Variants in DNAJC1 observed in about 807,000 individuals in gnomAD.
The protein encoded by DNAJC1 is dnaJ homolog subfamily C member 1.
A neutral mutation model predicts 76.6 loss-of-function variants in DNAJC1; 58 were observed. The observed-to-expected ratio is 0.76, with a 90% CI of 0.61 to 0.94. The LOEUF is 0.94. Among genes scored for constraint, DNAJC1 ranks in the 40% least tolerant of loss-of-function variants. The pLI is 0.00. For synonymous variants in DNAJC1, 258 were observed against 267.9 expected, an observed-to-expected ratio of 0.96 and a Z score of 0.36; for missense variants, 689 against 677.3, an observed-to-expected ratio of 1.02 and a Z score of -0.19.
intron 8 of DNAJC1, among the ~76,000 whole-genome samples, chr10:21,822,929 G>T (rs988491619): frequency 2.6e-5 from 4 of 151,156 alleles, no homozygotes; most frequent in Non-Finnish European, 5.9e-5. Context: ...TAAACCAGGT[G>T]CACAGAAAAT....
At position 21,818,280 on chromosome 10, in the gene DNAJC1, C is replaced by T. The variant is rs183970223; in HGVS notation, c.979-12181G>A. Among the ~76,000 whole-genome samples the T allele has an allele frequency of 1.4e-3, 220 of 152,268 alleles. 1 individual carries two copies. Among genetic ancestry groups the T allele is most frequent in the African/African-American group, 5.0e-3 (206 of 41,546 alleles). ...TGAAATAAGCCCCAGTCTCCCATAG[C>T]GCTCCCAGGCTTATCAGGACAAGGA... On this transcript the variant is annotated intron_variant, in intron 8 of 11. Coordinates refer to ENST00000376980, the MANE Select transcript of DNAJC1 (RefSeq NM_022365.4).
chr10:21,771,547 G>T (rs1834377943), intron 9 of DNAJC1, among the ~76,000 whole-genome samples: 1 of 152,098 alleles, frequency 6.6e-6, no homozygotes, highest in Non-Finnish European at 1.5e-5. Context: ...TGCCCAGGCT[G>T]CAGTGCAATG....
intron 11 of DNAJC1, among the ~76,000 whole-genome samples, chr10:21,758,877 A>G (rs886206949): frequency 2.0e-5 from 3 of 152,194 alleles, no homozygotes; most frequent in African/African-American, 7.2e-5. Flanking sequence ...ACCTAGCCGG[A>G]GTGGGCGAGT....
intron 1 of DNAJC1, among the ~76,000 whole-genome samples, chr10:21,991,836 C>T (rs1479103931): frequency 6.6e-6 from 1 of 152,130 alleles, no homozygotes; most frequent in Non-Finnish European, 1.5e-5. Flanking sequence ...GAAAGTTTTG[C>T]TTATAACGAT....
In DNAJC1 at chr10:21,817,261, A is replaced by G. The variant is rs189677792; in HGVS notation, c.979-11162T>C. ...TCTTACCTGTAAGAAAAACATGGTG[A>G]TATGCTAAAATTTGTTTAAGATGCT... On this transcript the variant is annotated intron_variant, in intron 8 of 11. Coordinates refer to ENST00000376980, the MANE Select transcript of DNAJC1 (RefSeq NM_022365.4). 2.2e-3 allele frequency among the ~76,000 whole-genome samples: 340 copies of G among 151,222 alleles called. 3 individuals carry two copies. The highest frequency in any genetic ancestry group is 7.8e-3 in the African/African-American group (324 of 41,274).
chr10:21,959,800 C>CAAAAAAAAAAAAAAAAA (rs199556961), intron 1 of DNAJC1, among the ~76,000 whole-genome samples: 1 of 138,894 alleles, frequency 7.2e-6, no homozygotes, highest in South Asian at 2.3e-4. Context: ...AAAACAAAAA[C>CAAAAAAAAAAAAAAAAA]AAAAAAAAAA....
intron 8 of DNAJC1, among the ~76,000 whole-genome samples, chr10:21,831,513 G>A (rs1029576394): frequency 3.3e-5 from 5 of 152,214 alleles, no homozygotes; most frequent in South Asian, 4.1e-4. Context: ...TAATCTGGCC[G>A]GGTGCAGTGG....
intron 7 of DNAJC1, among the ~76,000 whole-genome samples, chr10:21,897,631 C>T (rs2131737568): frequency 6.6e-6 from 1 of 152,304 alleles, no homozygotes; most frequent in African/African-American, 2.4e-5. Context: ...AATCTAACTA[C>T]AGTTTCATTA....
intron 8 of DNAJC1, among the ~76,000 whole-genome samples, chr10:21,837,740 A>G (rs534981141): frequency 1.2e-3 from 174 of 143,806 alleles, no homozygotes; most frequent in African/African-American, 4.3e-3. Flanking sequence ...GGAAGTGAGG[A>G]GCCCCTCTGC....
chr10:21,992,797 A>G (rs1838347519), intron 1 of DNAJC1, among the ~76,000 whole-genome samples: 1 of 152,192 alleles, frequency 6.6e-6, no homozygotes, highest in African/African-American at 2.4e-5. Flanking sequence ...CAGAATTTGA[A>G]TATTTATACA....
chr10:21,843,392 CT>C (rs34760207), intron 8 of DNAJC1, among the ~76,000 whole-genome samples: 3,515 of 134,372 alleles, frequency 0.026, 35 homozygotes, highest in Middle Eastern at 0.068. Flanking sequence ...AGAGGTTTCC[CT>C]TTTTTTTTTT....
intron 1 of DNAJC1, among the ~76,000 whole-genome samples, chr10:21,955,746 A>G (rs1210118477): frequency 6.6e-6 from 1 of 152,174 alleles, no homozygotes. Context: ...AATTTTAGGA[A>G]AAGCATTTTC....
intron 6 of DNAJC1, among the ~76,000 whole-genome samples, chr10:21,915,820 T>A (rs935197125): frequency 6.7e-6 from 1 of 149,534 alleles, no homozygotes; most frequent in African/African-American, 2.5e-5. Context: ...TGTTTTAATG[T>A]CCCACCTAGG....
intron 1 of DNAJC1, among the ~76,000 whole-genome samples, chr10:21,987,540 T>C (rs1725179990): frequency 6.6e-6 from 1 of 152,210 alleles, no homozygotes; most frequent in South Asian, 2.1e-4. Context: ...TACCCACAGC[T>C]TACTGTAAGT....
chr10:21,914,970 A>C lies in DNAJC1; in HGVS notation c.729+3809T>G, dbSNP rs75896705. 6.2e-3 allele frequency among the ~76,000 whole-genome samples: 948 copies of C among 152,302 alleles called. 5 individuals carry two copies. The highest frequency in any genetic ancestry group is 0.021 in the African/African-American group (886 of 41,558). ...GTGAAGCATATATACCGTATTGTAG[A>C]ATGGTTATTTAAATTCATGTGTTAT... On this transcript the variant is annotated intron_variant, in intron 6 of 11. Transcript: ENST00000376980.
At chr10:21,834,092 A>C (rs570146292) in intron 8 of DNAJC1, among the ~76,000 whole-genome samples, 6 of 152,110 alleles carry the variant, frequency 3.9e-5, no homozygotes, top group South Asian at 2.1e-4. Context: ...GTGAAACCCC[A>C]TCTCTACTAA....
At chr10:21,909,629 C>T (rs1316469983) in intron 6 of DNAJC1, among the ~76,000 whole-genome samples, 2 of 152,190 alleles carry the variant, frequency 1.3e-5, no homozygotes, top group East Asian at 3.9e-4. Context: ...CATTCTGTTT[C>T]CCTATATTCC....
intron 9 of DNAJC1, among the ~76,000 whole-genome samples, chr10:21,780,246 A>G (rs1834509264): frequency 6.6e-6 from 1 of 152,160 alleles, no homozygotes; most frequent in South Asian, 2.1e-4. Flanking sequence ...TACAGAGAAC[A>G]CCACAAAGAT....
intron 8 of DNAJC1, among the ~76,000 whole-genome samples, chr10:21,881,858 A>AG (rs1836284727): frequency 6.7e-6 from 1 of 150,332 alleles, no homozygotes; most frequent in East Asian, 1.9e-4. Context: ...AAAAAAAAAA[A>AG]AAAAAAAAAA....
Sources: allele counts gnomAD v4.1 joint callset (sites outside exome capture counted in the v4.1 genomes callset), GRCh38; gene constraint gnomAD v4.1.1; transcripts MANE v1.5; gene names NCBI Gene and HGNC (gene_info 2026-07-23, HGNC 2026-07-21).